The following BBS2 variants were observed in gnomAD, a reference collection of about 807,000 sequenced individuals.
BBS2 encodes Bardet-Biedl syndrome 2.
A neutral mutation model predicts 83.0 loss-of-function variants in BBS2; 62 were observed. The observed-to-expected ratio is 0.75, with a 90% confidence interval of 0.61 to 0.92. The LOEUF (loss-of-function observed/expected upper bound fraction) is 0.92. BBS2 is among the 40% of genes least tolerant of loss of function. The pLI, the probability that BBS2 is intolerant of heterozygous loss-of-function variation, is 0.00. For synonymous variants in BBS2, 303 were observed against 326.1 expected (o/e 0.93, Z 0.76); for missense variants, 784 against 901.0 (o/e 0.87, Z 1.66).
chr16:56,503,216 G>T (rs1326918534), intron 7 of BBS2, among the ~76,000 whole-genome samples: 3 of 152,126 alleles, frequency 2.0e-5, no homozygotes, highest in Admixed American at 2.0e-4. Context: ...TCTGTGCTTG[G>T]TCTTTTCATC....
At chr16:56,488,172 G>A (rs1364487930) in intron 15 of BBS2, among the ~76,000 whole-genome samples, 9 of 152,162 alleles carry the variant, frequency 5.9e-5, no homozygotes, top group Non-Finnish European at 1.2e-4. Context: ...GAAGACTTCT[G>A]TCCTCAACTG....
intron 8 of BBS2, 89 bp downstream of exon 8, chr16:56,502,584 T>C (rs1253792367): frequency 1.1e-5 from 18 of 1,611,158 alleles, no homozygotes; most frequent in African/African-American, 2.7e-5. Flanking sequence ...AGGATCTCGG[T>C]ACAAATACTT....
intron 4 of BBS2, 76 bp from the exon 5 acceptor site, chr16:56,510,110 G>C (rs1964535340): frequency 7.4e-7 from 1 of 1,342,506 alleles, no homozygotes; most frequent in African/African-American, 1.4e-5. Context: ...ACAAAAAATT[G>C]CACAGTACTT....
intron 5 of BBS2, 48 bp downstream of exon 5, chr16:56,509,909 T>C (rs1027064878): frequency 6.3e-7 from 1 of 1,578,222 alleles, no homozygotes; most frequent in South Asian, 1.1e-5. Context: ...CTGACAGTAC[T>C]GATCTATCTT....
At chr16:56,474,832 A>C in intron 17 of BBS2, 1 of 1,603,972 alleles carries the variant, frequency 6.2e-7, no homozygotes, top group South Asian at 1.1e-5. Context: ...CCTTAGAATC[A>C]AGTGTTCCCA....
rs121908176 is a variant in BBS2, at chr16:56,514,623, G to A, written c.175C>T (p.Gln59Ter). 2.3e-5 allele frequency: 37 copies of A among 1,614,002 alleles called. No homozygotes were observed. The highest frequency in any genetic ancestry group is 2.9e-5 in the Non-Finnish European group (34 of 1,180,004). ...NQHVSASRVF[Q>*]SPLESDVSLL... ...GAAACATCAGATTCCAGGGGGCTCT[G>A]GAAGACCCTGGATGCACTGACATGC... Residue 59 changes from glutamine (Q) to a stop codon, truncating the protein, a stop_gained, in exon 2 of 17, where the codon CAG (glutamine) becomes TAG (stop). Transcript: ENST00000245157. LOFTEE classifies it high-confidence loss of function.
At chr16:56,500,049 G>C (rs1427639375) in intron 11 of BBS2, 142 bp from the exon 12 acceptor site, 4 of 923,874 alleles carry the variant, frequency 4.3e-6, no homozygotes, top group East Asian at 5.2e-5. Flanking sequence ...CAAAACACTT[G>C]AGGGTTAAAG....
intron 11 of BBS2, 104 bp from the exon 12 acceptor site, chr16:56,500,011 T>C (rs945358951): frequency 7.0e-7 from 1 of 1,427,420 alleles, no homozygotes; most frequent in Non-Finnish European, 9.8e-7. Flanking sequence ...CAATTGATAT[T>C]TAAGGGTTTC....
chr16:56,506,170 TG>T lies in BBS2; in HGVS notation c.666del (p.Asn223MetfsTer23), dbSNP rs762394715. On this transcript the variant is annotated frameshift_variant, in exon 6 of 17. Transcript: ENST00000245157. LOFTEE classifies it high-confidence loss of function. Reference protein sequence around the residue: ...MYGSRFGYALSNGTVGVYDKT... With the variant: ...MYGSRFGYALXNGTVGVYDKT... ...TTGTCATAAACTCCAACTGTGCCAT[TG>T]GAAAGGGCATAACCAAATCGACTGC... The T allele has an allele frequency of 6.2e-7, 1 of 1,614,096 alleles. No homozygotes were observed. Among genetic ancestry groups the T allele is most frequent in the South Asian group, 1.1e-5 (1 of 91,084 alleles).
At chr16:56,504,734 T>C (rs1748488977) in intron 7 of BBS2, among the ~76,000 whole-genome samples, 1 of 152,234 alleles carries the variant, frequency 6.6e-6, no homozygotes, top group Admixed American at 6.5e-5. Context: ...TTTTCAAGTC[T>C]AGTAGTTTTC....
chr16:56,517,509 G>A (rs1964784449), intron 1 of BBS2, among the ~76,000 whole-genome samples: 1 of 152,202 alleles, frequency 6.6e-6, no homozygotes, highest in Non-Finnish European at 1.5e-5. Context: ...TGTTATTAGA[G>A]GCCATCTGAC....
At chr16:56,471,707 C>T (rs1963194882) in intron 17 of BBS2, among the ~76,000 whole-genome samples, 1 of 152,204 alleles carries the variant, frequency 6.6e-6, no homozygotes, top group Non-Finnish European at 1.5e-5. Context: ...TAACTGAAAG[C>T]AACATAACTC....
intron 7 of BBS2, among the ~76,000 whole-genome samples, chr16:56,503,914 A>G (rs1429709213): frequency 2.1e-5 from 3 of 141,410 alleles, no homozygotes; most frequent in African/African-American, 5.6e-5. Context: ...GCGAGACTCC[A>G]GTCTCAAAAA....
At chr16:56,500,446 T>C in intron 11 of BBS2, 1 of 253,224 alleles carries the variant, frequency 3.9e-6, no homozygotes. Flanking sequence ...GCCAACATGG[T>C]GAACTCCTGT....
chr16:56,484,918 T>C, intron 16 of BBS2, 51 bp from the exon 17 acceptor site: 1 of 1,404,390 alleles, frequency 7.1e-7, no homozygotes, highest in African/African-American at 1.4e-5. Context: ...CATGAAATTA[T>C]AAAATTAGAC....
chr16:56,511,303 C>T lies in BBS2; in HGVS notation c.346-19G>A. On this transcript the variant is annotated intron_variant, in intron 2 of 16. Transcript: ENST00000245157. ...CTGCTACCTAAGAAAAGTAAAAGGA[C>T]ACATTATCTTAGACACGATAATATG... 6.2e-7 allele frequency: 1 copy of T among 1,613,434 alleles called. No individual in the cohort carries two copies. Among genetic ancestry groups the T allele is most frequent in the Non-Finnish European group, 8.5e-7 (1 of 1,179,928 alleles).
At chr16:56,477,636 G>A (rs1478691333) in intron 17 of BBS2, 1 of 152,176 alleles carries the variant, frequency 6.6e-6, no homozygotes, top group African/African-American at 2.4e-5. Context: ...AACTGTTCCA[G>A]GGAGTTACAT....
Position 56,511,284 on chromosome 16 carries a change from C to T in BBS2, c.346G>A (p.Val116Ile). 6.2e-7 allele frequency: 1 copy of T among 1,613,820 alleles called. No individual in the cohort carries two copies. Among genetic ancestry groups the T allele is most frequent in the Non-Finnish European group, 8.5e-7 (1 of 1,179,936 alleles). The change falls in exon 3 of 17, where the codon GTA becomes ATA. Residue 116 changes from valine to isoleucine, a missense_variant and splice_region_variant. Physicochemically the swap from Val to Ile is conservative, Grantham distance 29. Transcript: ENST00000245157. The stretch of plus-strand genomic sequence containing the variant: ...ACAATTGCATTTGCCCCATCTGCTA[C>T]CTAAGAAAAGTAAAAGGACACATTA... ...YNNSDLFYRE[V>I]ADGANAIVLG...
chr16:56,503,308 A>G (rs1176620631), intron 7 of BBS2, among the ~76,000 whole-genome samples: 2 of 152,228 alleles, frequency 1.3e-5, no homozygotes, highest in Non-Finnish European at 2.9e-5. Context: ...AAGTTAACAT[A>G]TATCAACAGG....
Sources: allele counts gnomAD v4.1 joint callset (sites outside exome capture counted in the v4.1 genomes callset), GRCh38; gene constraint gnomAD v4.1.1; transcripts MANE v1.5; gene names NCBI Gene and HGNC (gene_info 2026-07-23, HGNC 2026-07-21).